The following ESRRG variants were observed in gnomAD, a reference collection of about 807,000 sequenced individuals.
ESRRG encodes the protein estrogen related receptor gamma, also known as estrogen-related receptor gamma.
In ESRRG, 13 loss-of-function variants were observed where a neutral mutation model predicts 44.0. That is an observed-to-expected ratio of 0.30 (90% confidence interval 0.19 to 0.47). ESRRG has a LOEUF of 0.47. Among genes scored for constraint, ESRRG ranks in the 20% least tolerant of loss-of-function variants. The pLI is 1.00. For missense variants in ESRRG, 395 were observed against 580.6 expected, an observed-to-expected ratio of 0.68 and a Z score of 3.29; for synonymous variants, 215 against 214.6, an observed-to-expected ratio of 1.00 and a Z score of -0.02.
chr1:216,531,362 A>T (rs1010509167), intron 5 of ESRRG, among the ~76,000 whole-genome samples: 3 of 152,078 alleles, frequency 2.0e-5, no homozygotes, highest in Admixed American at 2.0e-4. Context: ...GCTAATGAAG[A>T]TCTGTTTGTG....
At chr1:216,810,452 C>T (rs954692316) in intron 2 of ESRRG, among the ~76,000 whole-genome samples, 8 of 151,618 alleles carry the variant, frequency 5.3e-5, no homozygotes, top group African/African-American at 1.7e-4. Context: ...CAAGACAGTA[C>T]ACAAGGGGAG....
At chr1:216,986,232 T>C (rs1023776092) in intron 1 of ESRRG, among the ~76,000 whole-genome samples, 3 of 152,214 alleles carry the variant, frequency 2.0e-5, no homozygotes, top group Non-Finnish European at 4.4e-5. Context: ...TTTCATAGTT[T>C]ATATTTAGGT....
intron 2 of ESRRG, among the ~76,000 whole-genome samples, chr1:216,919,265 T>C (rs2061544765): frequency 6.6e-6 from 1 of 152,214 alleles, no homozygotes; most frequent in Non-Finnish European, 1.5e-5. Flanking sequence ...TAATTCCAAG[T>C]CACCTGCTAA....
intron 3 of ESRRG, among the ~76,000 whole-genome samples, chr1:216,625,032 A>G (rs1247918232): frequency 6.6e-6 from 1 of 151,928 alleles, no homozygotes; most frequent in Non-Finnish European, 1.5e-5. Flanking sequence ...AAATATCTCA[A>G]TTCTTTCATA....
chr1:216,632,706 A>G (rs1008228010), intron 3 of ESRRG, among the ~76,000 whole-genome samples: 4 of 152,104 alleles, frequency 2.6e-5, no homozygotes, highest in Non-Finnish European at 5.9e-5. Context: ...ATTATTGAAG[A>G]GTTTTTAGGT....
At position 216,856,159 on chromosome 1, in the gene ESRRG, G is replaced by GA. The variant is rs552352359; in HGVS notation, c.-14+83422dup. ...GTAACTCACTTGCTTTGTTTCTTGT[G>GA]AAAAAAAAAAACTTCCTATGAAAAG... is the stretch of plus-strand genomic sequence containing the variant. On this transcript the variant is annotated intron_variant, in intron 2 of 7. Coordinates refer to the ESRRG transcript ENST00000359162. 4.1e-3 allele frequency among the ~76,000 whole-genome samples: 576 copies of GA among 141,778 alleles called. 9 individuals are homozygous for GA. The highest frequency in any genetic ancestry group is 0.027 in the Admixed American group (391 of 14,230). 93.0% of individuals were successfully genotyped at this position (141,778 alleles called of 152,430 possible).
Position 216,597,832 on chromosome 1 carries a change from C to G in ESRRG, c.590-29734G>C, listed in dbSNP as rs114529357. On this transcript the variant is annotated intron_variant, in intron 3 of 6. Transcript: ENST00000408911. The stretch of plus-strand genomic sequence containing the variant: ...AGCCACTGATGGATTTAAGGAGTGA[C>G]GTAGTGTGGATAAATGAAGGGGACA... Among the ~76,000 whole-genome samples the G allele has an allele frequency of 9.9e-3, 1,506 of 152,200 alleles. 10 individuals are homozygous for G. The highest frequency in any genetic ancestry group is 0.016 in the Non-Finnish European group (1,108 of 68,006).
chr1:217,047,362 T>C (rs1200717117), intron 1 of ESRRG, among the ~76,000 whole-genome samples: 1 of 152,156 alleles, frequency 6.6e-6, no homozygotes, highest in Non-Finnish European at 1.5e-5. Flanking sequence ...TCCAGTGTTT[T>C]GCATCTTGGT....
chr1:216,511,986 A>G (rs1340940731), intron 6 of ESRRG, among the ~76,000 whole-genome samples: 4 of 152,210 alleles, frequency 2.6e-5, no homozygotes, highest in Admixed American at 2.6e-4. Flanking sequence ...CATTTATACT[A>G]CTTTTCCTAA....
At chr1:217,080,671 G>GTTTTTTTTTTTTT (rs34598045) in intron 1 of ESRRG, among the ~76,000 whole-genome samples, 1 of 65,246 alleles carries the variant, frequency 1.5e-5, no homozygotes, top group African/African-American at 6.2e-5. Flanking sequence ...TGTTTTTTTG[G>GTTTTTTTTTTTTT]TTTTTTTTTT....
At chr1:216,605,932 G>A (rs1248617304) in intron 3 of ESRRG, among the ~76,000 whole-genome samples, 1 of 149,138 alleles carries the variant, frequency 6.7e-6, no homozygotes, top group Non-Finnish European at 1.5e-5. Context: ...TTAACAACAA[G>A]AAAGCTGATT....
rs1406447388 is a variant in ESRRG at position 216,862,864 on chromosome 1, T to C, written c.-14+76718A>G. 3 of 152,294 alleles carry C rather than the reference T, an allele frequency of 2.0e-5. No individual in the cohort carries two copies. In the East Asian group the frequency reaches 5.8e-4, roughly 29 times the overall value. 9.4% of individuals were successfully genotyped at this position (152,294 alleles called of 1,614,324 possible). A position where few individuals can be genotyped will look rare whatever the true frequency, so the allele number is the denominator to read the frequency against. Reference sequence around the variant, plus strand: ...TCATGGATGTATATGTACGTCAAAATGGATCCAATTATATACTGTAATGTG... The same window carrying C: ...TCATGGATGTATATGTACGTCAAAACGGATCCAATTATATACTGTAATGTG... On this transcript the variant is annotated intron_variant, in intron 2 of 7. Transcript: ENST00000359162.
chr1:217,007,025 C>T (rs1579390423), intron 1 of ESRRG, among the ~76,000 whole-genome samples: 1 of 152,036 alleles, frequency 6.6e-6, no homozygotes, highest in Non-Finnish European at 1.5e-5. Flanking sequence ...TATTTTAATT[C>T]TATGTGATTT....
At chr1:216,767,562 GC>G (rs1326400439) in intron 2 of ESRRG, among the ~76,000 whole-genome samples, 10 of 152,116 alleles carry the variant, frequency 6.6e-5, no homozygotes, top group African/African-American at 2.4e-4. Context: ...CAATCTTTAA[GC>G]CTTTGATTGC....
chr1:216,748,627 G>A (rs1039531187), intron 2 of ESRRG, among the ~76,000 whole-genome samples: 2 of 152,130 alleles, frequency 1.3e-5, no homozygotes, highest in African/African-American at 2.4e-5. Flanking sequence ...GTAAGTTCAT[G>A]AACATTTTGC....
At chr1:216,990,531 A>G (rs2075527407) in intron 1 of ESRRG, among the ~76,000 whole-genome samples, 2 of 152,188 alleles carry the variant, frequency 1.3e-5, no homozygotes, top group African/African-American at 2.4e-5. Flanking sequence ...GTCCACTTGT[A>G]TGCGGATTTT....
At chr1:216,929,667 T>C (rs904251721) in intron 2 of ESRRG, among the ~76,000 whole-genome samples, 1 of 152,106 alleles carries the variant, frequency 6.6e-6, no homozygotes, top group African/African-American at 2.4e-5. Context: ...TGCAGGAGTT[T>C]AGGAAAGCAG....
chr1:216,600,453 G>A (rs1444718428), intron 3 of ESRRG, among the ~76,000 whole-genome samples: 1 of 152,118 alleles, frequency 6.6e-6, no homozygotes, highest in Non-Finnish European at 1.5e-5. Context: ...GGCGGGTCAG[G>A]GGATATTAAC....
chr1:216,987,867 T>C lies in ESRRG; in HGVS notation c.-105-48194A>G, dbSNP rs530035834. Among the ~76,000 whole-genome samples the C allele has an allele frequency of 1.1e-4, 17 of 152,330 alleles. No homozygotes were observed. In the South Asian group the frequency reaches 1.9e-3, roughly 17 times the overall value. On this transcript the variant is annotated intron_variant, in intron 1 of 7. Coordinates refer to the ESRRG transcript ENST00000359162. ...CCCTCACCCAAGCTCTAACCAATGA[T>C]CGACAGAAGAGTTAGTATACAAATA...
Sources: allele counts gnomAD v4.1 joint callset (sites outside exome capture counted in the v4.1 genomes callset), GRCh38; gene constraint gnomAD v4.1.1; transcripts MANE v1.5; gene names NCBI Gene and HGNC (gene_info 2026-07-23, HGNC 2026-07-21).